DAPK2: variants seen among roughly 807,000 people sequenced by gnomAD.
The protein encoded by DAPK2 is death associated protein kinase 2.
DAPK2 carries 35 observed loss-of-function variants against 44.1 expected under a neutral mutation model. That is an observed-to-expected ratio of 0.79 (90% confidence interval 0.61 to 1.05). The LOEUF is 1.05. DAPK2 is among the 50% of genes least tolerant of loss of function. DAPK2 has a pLI of 0.00. For synonymous variants in DAPK2, 174 were observed against 182.6 expected (o/e 0.95, Z 0.38); for missense variants, 453 against 483.2 (o/e 0.94, Z 0.59).
chr15:64,032,787 C>CA (rs1288048611), intron 1 of DAPK2, among the ~76,000 whole-genome samples: 1 of 151,794 alleles, frequency 6.6e-6, no homozygotes, highest in Non-Finnish European at 1.5e-5. Context: ...CCTGTCCCTA[C>CA]AAAAAATTTA....
intron 1 of DAPK2, among the ~76,000 whole-genome samples, chr15:64,033,119 G>T (rs2080063541): frequency 6.6e-6 from 1 of 151,848 alleles, no homozygotes; most frequent in Non-Finnish European, 1.5e-5. Flanking sequence ...AATTAGCTGG[G>T]CATGGTGGCA....
At chr15:63,952,976 C>G (rs1183618248) in intron 3 of DAPK2, among the ~76,000 whole-genome samples, 1 of 151,818 alleles carries the variant, frequency 6.6e-6, no homozygotes, top group Non-Finnish European at 1.5e-5. Flanking sequence ...CCTTCTGAGG[C>G]TCTGGCAACC....
intron 1 of DAPK2, among the ~76,000 whole-genome samples, chr15:63,988,189 G>A (rs568101505): frequency 3.3e-5 from 5 of 152,260 alleles, no homozygotes; most frequent in African/African-American, 1.2e-4. Context: ...GAGGACAAGT[G>A]GGCTGTGTCA....
At chr15:63,975,779 A>G (rs1420264466) in intron 2 of DAPK2, among the ~76,000 whole-genome samples, 1 of 152,072 alleles carries the variant, frequency 6.6e-6, no homozygotes, top group African/African-American at 2.4e-5. Flanking sequence ...TTGTATTTTT[A>G]GTAGAAATGG....
At chr15:63,979,625 C>T (rs537738168) in intron 2 of DAPK2, among the ~76,000 whole-genome samples, 1 of 152,240 alleles carries the variant, frequency 6.6e-6, no homozygotes, top group East Asian at 1.9e-4. Context: ...CAACAAAAGC[C>T]CATGAGGCTG....
chr15:63,993,662 G>A (rs1201017161), intron 1 of DAPK2, among the ~76,000 whole-genome samples: 1 of 152,064 alleles, frequency 6.6e-6, no homozygotes, highest in Non-Finnish European at 1.5e-5. Context: ...GGCTGTGAAT[G>A]GGGAAGACTA....
chr15:64,013,350 A>C lies in DAPK2; in HGVS notation c.92+26820T>G, dbSNP rs2079438575. Among the ~76,000 whole-genome samples, 1 of 152,212 alleles carries C rather than the reference A, an allele frequency of 6.6e-6. No homozygotes were observed. The highest frequency in any genetic ancestry group is 1.5e-5 in the Non-Finnish European group (1 of 68,030). ...GGGAGGCTGCAAGTCACAAGACATT[A>C]AGTGAATGTGGGCAGTCTTAAGAGG... On this transcript the variant is annotated intron_variant, in intron 1 of 10. Transcript: ENST00000261891. The surrounding 1 kb of genome is among the most constrained non-coding windows in gnomAD (Gnocchi z 4.7).
chr15:64,014,421 A>C (rs1472341585), intron 1 of DAPK2, among the ~76,000 whole-genome samples: 1 of 152,232 alleles, frequency 6.6e-6, no homozygotes, highest in African/African-American at 2.4e-5. Context: ...AAGAAATGAA[A>C]ACCCTGGGAG....
intron 3 of DAPK2, among the ~76,000 whole-genome samples, chr15:63,940,750 T>G (rs533363592): frequency 1.5e-3 from 227 of 151,760 alleles, no homozygotes; most frequent in African/African-American, 5.2e-3. Flanking sequence ...AAATGAAATA[T>G]AAAAAGGAAT....
Position 64,046,263 on chromosome 15 carries a change from C to T in DAPK2, c.-7+35G>A, listed in dbSNP as rs2080460362. On this transcript the variant is annotated intron_variant, in intron 1 of 11. Coordinates refer to the DAPK2 transcript ENST00000457488. The surrounding 1 kb of genome is among the most constrained non-coding windows in gnomAD (Gnocchi z 5.3). ...GCTGCCGTCAGGCCGCGCGCCCCGT[C>T]CCGCCCATCGAGCCCGCAGACGGGT... 1 of 949,860 alleles carries T rather than the reference C, an allele frequency of 1.1e-6. No individual in the cohort carries two copies. The highest frequency in any genetic ancestry group is 6.3e-5 in the Admixed American group (1 of 15,984). 58.8% of individuals were successfully genotyped at this position (949,860 alleles called of 1,614,324 possible).
chr15:63,980,002 A>T lies in DAPK2; in HGVS notation c.314+3531T>A, dbSNP rs2078458367. Among the ~76,000 whole-genome samples the T allele has an allele frequency of 6.6e-6, 1 of 152,216 alleles. No individual in the cohort carries two copies. The highest frequency in any genetic ancestry group is 2.4e-5 in the African/African-American group (1 of 41,464). On this transcript the variant is annotated intron_variant, in intron 2 of 10. Transcript: ENST00000261891. The surrounding 1 kb of genome is among the most constrained non-coding windows in gnomAD (Gnocchi z 4.3). ...CTCAGAACCTGGCCATACATGGGTT[A>T]GGGACAGTCTTGGAACGCTTGGGTC...
rs960499676 is a variant in DAPK2 at position 63,970,250 on chromosome 15, C to T, written c.453+1173G>A. Reference sequence around the variant, plus strand: ...AGCTCCCAGACCCTTGTGTCTGCTTCCTGCACTGTTCCTGGCTTCTTCCCC... The same window carrying T: ...AGCTCCCAGACCCTTGTGTCTGCTTTCTGCACTGTTCCTGGCTTCTTCCCC... On this transcript the variant is annotated intron_variant, in intron 3 of 10. Transcript: ENST00000261891. Among the ~76,000 whole-genome samples the T allele has an allele frequency of 4.6e-5, 7 of 152,214 alleles. No homozygotes were observed. In the South Asian group the frequency reaches 8.3e-4, roughly 18 times the overall value.
intron 3 of DAPK2, among the ~76,000 whole-genome samples, chr15:63,967,057 G>A (rs950959414): frequency 6.6e-6 from 1 of 152,100 alleles, no homozygotes; most frequent in Non-Finnish European, 1.5e-5. Context: ...GTGGGTGCCT[G>A]TAGTCCCAGC....
rs945706818 is a variant in DAPK2 at position 63,922,935 on chromosome 15, G to C, written c.858+1881C>G. ...CTCAGAATCTCAAACTGGGCTTGCA[G>C]ATGGTCCAGTTTCCTGGCCATGCTT... is the stretch of plus-strand genomic sequence containing the variant. On this transcript the variant is annotated intron_variant, in intron 8 of 10. Coordinates refer to ENST00000261891, the Ensembl canonical transcript of DAPK2. 8.5e-6 allele frequency: 13 copies of C among 1,535,830 alleles called. No homozygotes were observed. In the Admixed American group the frequency reaches 1.4e-4, roughly 16 times the overall value.
chr15:63,956,247 G>T (rs560259543), intron 3 of DAPK2, among the ~76,000 whole-genome samples: 293 of 151,928 alleles, frequency 1.9e-3, no homozygotes, highest in African/African-American at 6.4e-3. Flanking sequence ...CAACTTTTTT[G>T]TTTCACTGAT....
intron 1 of DAPK2, among the ~76,000 whole-genome samples, chr15:64,001,052 G>C (rs942245106): frequency 6.6e-6 from 1 of 151,976 alleles, no homozygotes; most frequent in East Asian, 1.9e-4. Context: ...GCTAATTTTT[G>C]TATTTTTAGT....
intron 1 of DAPK2, among the ~76,000 whole-genome samples, chr15:63,999,541 T>A (rs1211634825): frequency 6.6e-6 from 1 of 152,186 alleles, no homozygotes; most frequent in Admixed American, 6.5e-5. Flanking sequence ...ACTGCTAGGA[T>A]TTCCAAACTT....
intron 1 of DAPK2, among the ~76,000 whole-genome samples, chr15:64,005,457 C>T (rs897626049): frequency 1.3e-5 from 2 of 151,488 alleles, no homozygotes; most frequent in East Asian, 1.9e-4. Context: ...TGTGCAGTTC[C>T]GGAAAGATGT....
chr15:64,042,556 C>A (rs1038066979), upstream of DAPK2, among the ~76,000 whole-genome samples: 20 of 152,170 alleles, frequency 1.3e-4, no homozygotes, highest in Non-Finnish European at 2.2e-4. This position sits in a 1 kb window ranked among gnomAD's most constrained non-coding sequence, Gnocchi z 4.7. Flanking sequence ...AAAGAAGCCC[C>A]AGTTCCCAGC....
Sources: allele counts gnomAD v4.1 joint callset (sites outside exome capture counted in the v4.1 genomes callset), GRCh38; gene constraint gnomAD v4.1.1; non-coding constraint Gnocchi (gnomAD v3.1); transcripts MANE v1.5; gene names NCBI Gene and HGNC (gene_info 2026-07-23, HGNC 2026-07-21).